The following LRRC39 variants were observed in gnomAD, a reference collection of about 807,000 sequenced individuals.
LRRC39 encodes the protein leucine-rich repeat-containing protein 39.
In LRRC39, 35 loss-of-function variants were observed where a neutral mutation model predicts 39.7. The observed-to-expected ratio is 0.88, with a 90% CI of 0.67 to 1.17. The LOEUF is 1.17. Among genes scored for constraint, LRRC39 ranks in the 50% most tolerant of loss-of-function variants. The probability of loss-of-function intolerance (pLI) is 0.00; values close to 1 mark genes in which losing one functional copy is unlikely to be tolerated. For missense variants in LRRC39, 357 were observed against 385.8 expected (o/e 0.93, Z 0.62); for synonymous variants, 113 against 134.1 (o/e 0.84, Z 1.09).
intron 8 of LRRC39, among the ~76,000 whole-genome samples, chr1:100,154,216 A>G (rs1012483134): frequency 6.6e-6 from 1 of 152,226 alleles, no homozygotes; most frequent in Non-Finnish European, 1.5e-5. Flanking sequence ...GCTAACTAGA[A>G]GCCCAAAAGA....
chr1:100,160,627 T>C, intron 3 of LRRC39, 56 bp from the exon 4 acceptor site: 6 of 355,110 alleles, frequency 1.7e-5, no homozygotes, highest in South Asian at 7.2e-5. Flanking sequence ...TGGCATTCAC[T>C]TTTTTTTTTT....
Position 100,148,949 on chromosome 1 carries a change from A to G in LRRC39, c.*93T>C. On this transcript the variant is annotated 3_prime_UTR_variant, in exon 10 of 10. Transcript: ENST00000370137. ...TTTAAAAAATGCTGTGGCCTCATTA[A>G]ACTTTGGTAATAGCTTTTCTTTTTA... 2.4e-6 allele frequency: 3 copies of G among 1,253,130 alleles called. No homozygotes were observed. Among genetic ancestry groups the G allele is most frequent in the Non-Finnish European group, 3.2e-6 (3 of 936,910 alleles). 77.6% of individuals were successfully genotyped at this position (1,253,130 alleles called of 1,614,324 possible).
intron 3 of LRRC39, among the ~76,000 whole-genome samples, chr1:100,167,242 C>A (rs533039417): frequency 5.3e-5 from 8 of 152,118 alleles, no homozygotes; most frequent in African/African-American, 1.7e-4. Flanking sequence ...GCTGTGATGC[C>A]TGGAAGTGCA....
intron 9 of LRRC39, among the ~76,000 whole-genome samples, 186 bp downstream of exon 9, chr1:100,152,199 T>A (rs1452364072): frequency 6.6e-6 from 1 of 152,228 alleles, no homozygotes; most frequent in Non-Finnish European, 1.5e-5. Flanking sequence ...TTTGAATATC[T>A]TTAAAACCTC....
At chr1:100,177,837 T>G (rs1022760198) in intron 1 of LRRC39, among the ~76,000 whole-genome samples, 4 of 152,168 alleles carry the variant, frequency 2.6e-5, no homozygotes, top group African/African-American at 9.7e-5. Context: ...ACAGGACTGC[T>G]CTCTACTCTG....
chr1:100,162,351 C>A (rs1206324363), intron 3 of LRRC39, among the ~76,000 whole-genome samples: 1 of 151,984 alleles, frequency 6.6e-6, no homozygotes, highest in Admixed American at 6.6e-5. Flanking sequence ...TAGAAAAATG[C>A]AAACTAGAAA....
At chr1:100,152,296 T>G in intron 9 of LRRC39, 89 bp downstream of exon 9, 1 of 1,275,128 alleles carries the variant, frequency 7.8e-7, no homozygotes, top group South Asian at 1.8e-5. Context: ...GAGAAATATA[T>G]AAAGGAATTA....
chr1:100,172,620 C>T (rs972610052), intron 2 of LRRC39, among the ~76,000 whole-genome samples: 22 of 148,484 alleles, frequency 1.5e-4, no homozygotes, highest in Admixed American at 6.8e-4. Context: ...CTCAGGAGTT[C>T]GAGACCAGCC....
intron 8 of LRRC39, among the ~76,000 whole-genome samples, chr1:100,152,931 T>C (rs571383538): frequency 3.5e-4 from 53 of 152,306 alleles, no homozygotes; most frequent in African/African-American, 1.3e-3. Flanking sequence ...TTTGCCATAT[T>C]GGCCAGGCTG....
Position 100,149,240 on chromosome 1 carries a change from CTG to C in LRRC39, c.953-145_953-144del, listed in dbSNP as rs756000769. The stretch of plus-strand genomic sequence containing the variant: ...GTGATTGATTGTAACAAGGGCCAAT[CTG>C]AGAATTTGACTTATATGTGGACATT... On this transcript the variant is annotated intron_variant, in intron 9 of 9. Coordinates refer to ENST00000370137, the MANE Select transcript of LRRC39 (RefSeq NM_144620.4). The C allele has an allele frequency of 1.3e-4, 201 of 1,500,430 alleles. No individual in the cohort carries two copies. In the Middle Eastern group the frequency reaches 1.8e-3, roughly 14 times the overall value. 92.9% of individuals were successfully genotyped at this position (1,500,430 alleles called of 1,614,324 possible). A position where few individuals can be genotyped will look rare whatever the true frequency, so the allele number is the denominator to read the frequency against.
At chr1:100,151,774 C>T (rs1216432556) in intron 9 of LRRC39, among the ~76,000 whole-genome samples, 1 of 152,134 alleles carries the variant, frequency 6.6e-6, no homozygotes, top group African/African-American at 2.4e-5. Flanking sequence ...ACACTTTGTT[C>T]ATTAAAATCT....
intron 1 of LRRC39, among the ~76,000 whole-genome samples, chr1:100,176,087 C>T (rs1659936490): frequency 6.6e-6 from 1 of 152,118 alleles, no homozygotes; most frequent in African/African-American, 2.4e-5. Flanking sequence ...AGACTGTTCC[C>T]AGCAATGTTT....
At chr1:100,170,705 C>T (rs892332704) in intron 2 of LRRC39, among the ~76,000 whole-genome samples, 5 of 151,678 alleles carry the variant, frequency 3.3e-5, no homozygotes, top group Admixed American at 6.6e-5. Flanking sequence ...CCCTCCATCC[C>T]TTTCTTCTTT....
intron 3 of LRRC39, among the ~76,000 whole-genome samples, chr1:100,162,075 T>C (rs968373300): frequency 2.6e-5 from 4 of 152,208 alleles, no homozygotes; most frequent in Admixed American, 2.6e-4. Context: ...GTCCCTCTTT[T>C]TTATTATAGC....
At chr1:100,165,699 A>G (rs1659187843) in intron 3 of LRRC39, among the ~76,000 whole-genome samples, 1 of 151,960 alleles carries the variant, frequency 6.6e-6, no homozygotes, top group African/African-American at 2.4e-5. Flanking sequence ...AATCCAGGTG[A>G]TATGGTTTTG....
chr1:100,178,006 T>G (rs1407650009), intron 1 of LRRC39, 129 bp downstream of exon 1: 2 of 152,220 alleles, frequency 1.3e-5, no homozygotes, highest in Admixed American at 1.3e-4. Flanking sequence ...AACTTTTAAA[T>G]TCTATTCCAG....
In LRRC39 at chr1:100,167,008, A is replaced by G. The variant is rs543152012; in HGVS notation, c.113+1396T>C. 5.3e-5 allele frequency among the ~76,000 whole-genome samples: 8 copies of G among 152,290 alleles called. No individual in the cohort carries two copies. In the South Asian group the frequency reaches 1.7e-3, roughly 32 times the overall value. On this transcript the variant is annotated intron_variant, in intron 3 of 9. Transcript: ENST00000370137. ...TCTCAGGTATGTCTTTATCAGCAGC[A>G]TGAAAACAGACTAATACACCAGGGA...
At position 100,148,635 on chromosome 1, in the gene LRRC39, G is replaced by A. The variant is rs1398970394; in HGVS notation, c.*407C>T. 1.2e-6 allele frequency: 2 copies of A among 1,607,192 alleles called. No individual in the cohort carries two copies. Among genetic ancestry groups the A allele is most frequent in the African/African-American group, 1.3e-5 (1 of 74,740 alleles). On this transcript the variant is annotated 3_prime_UTR_variant, in exon 10 of 10. Transcript: ENST00000370137. ...GTTTATTCAATTTAGGCTTCTTAGT[G>A]TTGAAGAAAAGAAGAAAATAGGGCA...
At chr1:100,167,547 G>A (rs1213716486) in intron 3 of LRRC39, among the ~76,000 whole-genome samples, 1 of 152,088 alleles carries the variant, frequency 6.6e-6, no homozygotes, top group Non-Finnish European at 1.5e-5. Context: ...GGCCAAGGTG[G>A]GTGGATCACC....
Sources: gnomAD v4.1 joint callset for allele counts (sites outside exome capture counted in the v4.1 genomes callset) on GRCh38, gnomAD v4.1.1 for gene constraint, MANE v1.5 for transcripts, NCBI Gene and HGNC (gene_info 2026-07-23, HGNC 2026-07-21) for gene names.